Variants in DAAM1 observed in about 807,000 individuals in gnomAD.
DAAM1 encodes the protein disheveled-associated activator of morphogenesis 1.
A neutral mutation model predicts 130.0 loss-of-function variants in DAAM1; 52 were observed. The observed-to-expected ratio is 0.40, with a 90% CI of 0.32 to 0.50. The LOEUF is 0.50. DAAM1 is among the 20% of genes least tolerant of loss of function. DAAM1 has a pLI of 0.61. For synonymous variants in DAAM1, 452 were observed against 444.5 expected, an observed-to-expected ratio of 1.02 and a Z score of -0.21; for missense variants, 1,134 against 1,303.8, an observed-to-expected ratio of 0.87 and a Z score of 2.01.
chr14:59,341,276 G>A (rs1262127), intron 16 of DAAM1, among the ~76,000 whole-genome samples: 149,603 of 152,302 alleles, frequency 0.98, 73,524 homozygotes, highest in East Asian at 1. Context: ...GTAAATGGCC[G>A]TACCCTGTGT....
At chr14:59,282,450 T>C (rs1300865980) in intron 2 of DAAM1, among the ~76,000 whole-genome samples, 2 of 152,170 alleles carry the variant, frequency 1.3e-5, no homozygotes, top group Admixed American at 6.6e-5. Context: ...GAGTCACTTG[T>C]GCAAGGTTAC....
chr14:59,338,006 T>C (rs1393817154), intron 15 of DAAM1, among the ~76,000 whole-genome samples: 1 of 152,218 alleles, frequency 6.6e-6, no homozygotes, highest in Non-Finnish European at 1.5e-5. Context: ...GATTTTCTCC[T>C]GCTTCAAGTA....
chr14:59,243,304 C>G (rs1165870646), intron 1 of DAAM1, among the ~76,000 whole-genome samples: 1 of 151,968 alleles, frequency 6.6e-6, no homozygotes, highest in Non-Finnish European at 1.5e-5. Flanking sequence ...TTCTTTCTGC[C>G]TGAAGAACTT....
At chr14:59,212,821 G>A (rs546452122) in intron 1 of DAAM1, among the ~76,000 whole-genome samples, 27 of 152,040 alleles carry the variant, frequency 1.8e-4, no homozygotes, top group East Asian at 1.5e-3. Flanking sequence ...TTTCTCTGTC[G>A]CAGTGGCTCC....
chr14:59,353,272 T>C (rs1566720017), intron 18 of DAAM1, among the ~76,000 whole-genome samples: 1 of 152,208 alleles, frequency 6.6e-6, no homozygotes, highest in East Asian at 1.9e-4. Flanking sequence ...GAAGGACCAG[T>C]GGTCCTGAAA....
At chr14:59,313,244 G>A (rs1884660014) in intron 3 of DAAM1, among the ~76,000 whole-genome samples, 1 of 152,128 alleles carries the variant, frequency 6.6e-6, no homozygotes, top group Non-Finnish European at 1.5e-5. Context: ...GACCAGTATT[G>A]CACAGGGGAA....
chr14:59,304,914 G>T (rs1442807100), intron 3 of DAAM1, among the ~76,000 whole-genome samples: 1 of 152,116 alleles, frequency 6.6e-6, no homozygotes, highest in Non-Finnish European at 1.5e-5. Flanking sequence ...TTTCCAAAGG[G>T]TCCTCTCTTG....
At chr14:59,354,037 T>C (rs781063228) in intron 19 of DAAM1, 73 bp downstream of exon 19, 70 of 1,419,178 alleles carry the variant, frequency 4.9e-5, no homozygotes, top group Non-Finnish European at 6.3e-5. Context: ...TCCAAGTGCA[T>C]ATAGTAAACA....
intron 3 of DAAM1, among the ~76,000 whole-genome samples, chr14:59,309,317 C>T (rs1348992269): frequency 6.6e-6 from 1 of 152,210 alleles, no homozygotes; most frequent in East Asian, 1.9e-4. Context: ...CAAGAAGGTA[C>T]ACTTCACAGG....
At chr14:59,329,223 T>C (rs1885328035) in intron 12 of DAAM1, among the ~76,000 whole-genome samples, 1 of 152,178 alleles carries the variant, frequency 6.6e-6, no homozygotes, top group Non-Finnish European at 1.5e-5. Context: ...TCTCAGGTAA[T>C]TCTGAGACAC....
At chr14:59,360,596 G>T in intron 21 of DAAM1, 1 of 386,292 alleles carries the variant, frequency 2.6e-6, no homozygotes, top group East Asian at 3.8e-5. Context: ...TATACCTGCT[G>T]GCTACAGAAA....
intron 2 of DAAM1, among the ~76,000 whole-genome samples, chr14:59,270,665 T>C (rs1328233240): frequency 1.3e-5 from 2 of 152,190 alleles, no homozygotes; most frequent in African/African-American, 4.8e-5. Flanking sequence ...CTCCTCTGGC[T>C]ACTTTAATTT....
chr14:59,231,131 A>G (rs1023059277), intron 1 of DAAM1, among the ~76,000 whole-genome samples: 1 of 152,186 alleles, frequency 6.6e-6, no homozygotes, highest in African/African-American at 2.4e-5. Flanking sequence ...ATTCATTTCC[A>G]CTTCCTTTTT....
chr14:59,318,099 T>C (rs766365578), intron 4 of DAAM1, among the ~76,000 whole-genome samples: 33 of 152,178 alleles, frequency 2.2e-4, no homozygotes, highest in Non-Finnish European at 4.7e-4. Context: ...AGTGATCTGT[T>C]GGCTTTTAAA....
chr14:59,343,096 A>AG (rs1024962696), intron 16 of DAAM1, among the ~76,000 whole-genome samples: 3 of 152,178 alleles, frequency 2.0e-5, no homozygotes, highest in African/African-American at 7.2e-5. Context: ...GGCTTGTGAG[A>AG]ATTCCTCCTA....
chr14:59,322,980 A>T lies in DAAM1; in HGVS notation c.529A>T (p.Ile177Leu). 6.2e-7 allele frequency: 1 copy of T among 1,614,212 alleles called. No individual in the cohort carries two copies. The highest frequency in any genetic ancestry group is 1.1e-5 in the South Asian group (1 of 91,084). ...GGACTACGAGACCTCAGAGTCTCGA[A>T]TACATACTTCTCTCATTGGCTGTAT... The part of the protein sequence containing the change: ...TMDYETSESR[I>L]HTSLIGCIKA... The change falls in exon 6 of 25, where the codon ATA (isoleucine) becomes TTA (leucine). Residue 177 changes from isoleucine to leucine, a missense_variant. Ile to Leu is a conservative substitution (Grantham distance 5, BLOSUM62 2). This residue lies in a region of DAAM1 where 391 missense variants were observed against 521.6 expected (regional missense o/e 0.75). Coordinates refer to ENST00000360909, the MANE Select transcript of DAAM1 (RefSeq NM_001270520.2).
At chr14:59,292,201 G>T (rs74748336) in intron 3 of DAAM1, among the ~76,000 whole-genome samples, 1 of 152,126 alleles carries the variant, frequency 6.6e-6, no homozygotes, top group Non-Finnish European at 1.5e-5. Flanking sequence ...GAAGGTCAAG[G>T]CTAGCACCTA....
intron 1 of DAAM1, among the ~76,000 whole-genome samples, chr14:59,250,035 T>G (rs1211332027): frequency 6.6e-6 from 1 of 152,204 alleles, no homozygotes; most frequent in Non-Finnish European, 1.5e-5. Context: ...TTGGGTATAT[T>G]TGTGATACCC....
intron 1 of DAAM1, among the ~76,000 whole-genome samples, chr14:59,243,145 G>A (rs1194914311): frequency 8.5e-5 from 13 of 152,266 alleles, no homozygotes; most frequent in East Asian, 1.9e-4. Flanking sequence ...TAGTGTCATC[G>A]GTGGATTCCT....
Sources: gnomAD v4.1 joint callset for allele counts (sites outside exome capture counted in the v4.1 genomes callset) on GRCh38, gnomAD v4.1.1 for gene constraint, gnomAD v4.1.1 regional missense constraint, MANE v1.5 for transcripts, NCBI Gene and HGNC (gene_info 2026-07-23, HGNC 2026-07-21) for gene names.